Variants in PCDH15 observed in about 807,000 individuals in gnomAD.
PCDH15 encodes the protein protocadherin-15.
A neutral mutation model predicts 178.5 loss-of-function variants in PCDH15; 129 were observed. The observed-to-expected ratio is 0.72, with a 90% CI of 0.63 to 0.84. PCDH15 has a LOEUF of 0.84. Among genes scored for constraint, PCDH15 ranks in the 40% least tolerant of loss-of-function variants. The pLI is 0.00. For missense variants in PCDH15, 2,230 were observed against 2,099.9 expected (o/e 1.06, Z -1.21); for synonymous variants, 800 against 732.0 (o/e 1.09, Z -1.50).
intron 1 of PCDH15, among the ~76,000 whole-genome samples, chr10:55,315,954 T>A (rs1388078304): frequency 6.6e-6 from 1 of 152,222 alleles, no homozygotes; most frequent in Admixed American, 6.5e-5. Flanking sequence ...AGGCAGAGGT[T>A]GCAGTGAGCC....
At chr10:55,612,220 T>TA (rs536263933) in intron 2 of PCDH15, among the ~76,000 whole-genome samples, 198 of 152,208 alleles carry the variant, frequency 1.3e-3, no homozygotes, top group African/African-American at 4.6e-3. Flanking sequence ...AGTTGAAAGA[T>TA]ATGTTAATTC....
intron 1 of PCDH15, among the ~76,000 whole-genome samples, chr10:54,699,060 G>C (rs1212002058): frequency 6.6e-6 from 1 of 151,988 alleles, no homozygotes; most frequent in Non-Finnish European, 1.5e-5. Flanking sequence ...AAACAGCATT[G>C]GTTTACCCAA....
chr10:53,994,714 C>T (rs2091739413), intron 21 of PCDH15: 1 of 152,024 alleles, frequency 6.6e-6, no homozygotes, highest in East Asian at 1.9e-4. Context: ...TAAAGCCCAC[C>T]ACTTTCATAT....
intron 2 of PCDH15, among the ~76,000 whole-genome samples, chr10:54,546,996 G>A (rs1460686535): frequency 6.6e-6 from 1 of 152,128 alleles, no homozygotes; most frequent in Non-Finnish European, 1.5e-5. Flanking sequence ...TGGGAAAGCT[G>A]TAGGCAGGAG....
chr10:55,422,840 A>G, intron 2 of PCDH15, among the ~76,000 whole-genome samples: 1 of 151,892 alleles, frequency 6.6e-6, no homozygotes, highest in East Asian at 1.9e-4. Flanking sequence ...TTTATTTTAT[A>G]GATAAGAAAG....
chr10:54,329,799 A>T (rs946143991), intron 6 of PCDH15, 93 bp from the exon 7 acceptor site: 4 of 832,238 alleles, frequency 4.8e-6, no homozygotes, highest in Non-Finnish European at 8.4e-6. Context: ...GAAGTTAGAG[A>T]TGACATGCTT....
chr10:55,594,591 G>A (rs746787905), intron 2 of PCDH15, among the ~76,000 whole-genome samples: 13 of 151,900 alleles, frequency 8.6e-5, no homozygotes, highest in Admixed American at 3.3e-4. Flanking sequence ...CACATTTGGC[G>A]TTTCCAATGT....
intron 3 of PCDH15, among the ~76,000 whole-genome samples, chr10:54,834,771 G>A (rs746072237): frequency 1.3e-5 from 2 of 152,160 alleles, no homozygotes; most frequent in Non-Finnish European, 2.9e-5. Flanking sequence ...AACATTGAAA[G>A]TATGTTACTT....
intron 2 of PCDH15, among the ~76,000 whole-genome samples, chr10:54,570,307 G>A (rs1460076092): frequency 2.0e-5 from 3 of 152,076 alleles, no homozygotes; most frequent in Non-Finnish European, 4.4e-5. Context: ...AACCTGGAAA[G>A]TAGAGTATTG....
chr10:53,890,057 C>T (rs1260424665), intron 26 of PCDH15, among the ~76,000 whole-genome samples: 3 of 152,182 alleles, frequency 2.0e-5, no homozygotes, highest in African/African-American at 7.2e-5. Context: ...TATCTAGCTG[C>T]ACACTTAGAA....
At chr10:54,215,808 G>A (rs549660608) in intron 9 of PCDH15, among the ~76,000 whole-genome samples, 34 of 151,934 alleles carry the variant, frequency 2.2e-4, no homozygotes, top group East Asian at 5.8e-4. Flanking sequence ...TTGGGAGGCC[G>A]AGACGGGCGG....
At chr10:53,969,177 CT>C (rs1371637337) in intron 21 of PCDH15, among the ~76,000 whole-genome samples, 2 of 152,094 alleles carry the variant, frequency 1.3e-5, no homozygotes. Context: ...CCTGATGGAG[CT>C]GAAAACCATG....
chr10:54,700,665 A>G (rs796852972), intron 1 of PCDH15, among the ~76,000 whole-genome samples: 35 of 152,250 alleles, frequency 2.3e-4, no homozygotes, highest in African/African-American at 7.5e-4. Flanking sequence ...AAAAATAAAG[A>G]AAAAAGAATA....
intron 3 of PCDH15, among the ~76,000 whole-genome samples, chr10:54,819,230 A>G (rs887380137): frequency 3.3e-4 from 50 of 152,090 alleles, no homozygotes; most frequent in Non-Finnish European, 5.7e-4. Flanking sequence ...CATTCATGGT[A>G]ACTGATAGAA....
At chr10:54,104,761 C>T (rs2136189252) in intron 15 of PCDH15, among the ~76,000 whole-genome samples, 2 of 148,362 alleles carry the variant, frequency 1.3e-5, no homozygotes, top group South Asian at 4.2e-4. Context: ...GGCATGAACC[C>T]AGGAGGTGGA....
chr10:54,799,262 AG>A (rs1384489962), intron 1 of PCDH15, among the ~76,000 whole-genome samples: 3 of 152,284 alleles, frequency 2.0e-5, no homozygotes, highest in African/African-American at 4.8e-5. Flanking sequence ...CTGCTGTGAA[AG>A]TTGTATAATA....
At chr10:55,210,618 C>CT (rs11412877) in intron 1 of PCDH15, among the ~76,000 whole-genome samples, 4,607 of 39,958 alleles carry the variant, frequency 0.12, 938 homozygotes, top group Non-Finnish European at 0.14. Flanking sequence ...TTTTTCTTTT[C>CT]TTTTTTTTTT....
At chr10:53,980,739 A>T (rs945969527) in intron 21 of PCDH15, among the ~76,000 whole-genome samples, 1 of 152,216 alleles carries the variant, frequency 6.6e-6, no homozygotes, top group Non-Finnish European at 1.5e-5. Flanking sequence ...TATAATTTTT[A>T]TGAGTTAAAC....
Position 54,152,972 on chromosome 10 carries a change from G to A in PCDH15, c.1784+128C>T, listed in dbSNP as rs73245420. 3.5e-3 allele frequency: 3,979 copies of A among 1,130,234 alleles called. 113 individuals are homozygous for A. In the African/African-American group the frequency reaches 0.055, roughly 16 times the overall value. The allele number at this position is 1,130,234 out of a possible 1,614,324, so 70.0% of individuals were successfully genotyped here. On this transcript the variant is annotated intron_variant, in intron 14 of 37. Transcript: ENST00000644397. ...TATGCATGCAGTTCCTGAGAATCTGGTCTCTCTGATTTTCTGATCTAATTT... is the reference window on the plus strand; with the variant it reads ...TATGCATGCAGTTCCTGAGAATCTGATCTCTCTGATTTTCTGATCTAATTT...
Sources: allele counts gnomAD v4.1 joint callset (sites outside exome capture counted in the v4.1 genomes callset), GRCh38; gene constraint gnomAD v4.1.1; transcripts MANE v1.5; gene names NCBI Gene and HGNC (gene_info 2026-07-23, HGNC 2026-07-21).